Variants in CCNY observed in about 807,000 individuals in gnomAD.
CCNY encodes the protein cyclin Y.
Under a neutral mutation model 42.8 loss-of-function variants are expected in CCNY, and 19 were observed. The observed-to-expected ratio is 0.44, with a 90% CI of 0.31 to 0.65. The LOEUF is 0.65. CCNY is among the 30% of genes least tolerant of loss of function. The probability of loss-of-function intolerance (pLI) is 0.07; values close to 1 mark genes in which losing one functional copy is unlikely to be tolerated. For synonymous variants in CCNY, 165 were observed against 162.7 expected (o/e 1.01, Z -0.11); for missense variants, 370 against 437.3 (o/e 0.85, Z 1.37).
intron 3 of CCNY, among the ~76,000 whole-genome samples, chr10:35,300,094 C>T (rs1219630406): frequency 6.6e-6 from 1 of 152,216 alleles, no homozygotes; most frequent in Non-Finnish European, 1.5e-5. Flanking sequence ...GACTGCTCCT[C>T]TTACAGTTTC....
intron 1 of CCNY, among the ~76,000 whole-genome samples, chr10:35,479,523 G>A (rs1417794397): frequency 2.3e-5 from 3 of 132,806 alleles, no homozygotes; most frequent in African/African-American, 5.9e-5. Context: ...ACCAAACACC[G>A]CATATTCTCA....
intron 3 of CCNY, among the ~76,000 whole-genome samples, chr10:35,295,121 C>T (rs763812535): frequency 1.3e-5 from 2 of 152,004 alleles, no homozygotes; most frequent in Non-Finnish European, 2.9e-5. Flanking sequence ...CACCACTGCA[C>T]TCCAGCCTGG....
At chr10:35,292,520 C>T (rs558509528) in intron 3 of CCNY, among the ~76,000 whole-genome samples, 15 of 152,106 alleles carry the variant, frequency 9.9e-5, no homozygotes, top group African/African-American at 2.4e-5. Flanking sequence ...ACTACCGTGC[C>T]TGGCTAACTT....
intron 1 of CCNY, among the ~76,000 whole-genome samples, chr10:35,465,938 A>T (rs9337013): frequency 0.076 from 6,109 of 80,140 alleles, 211 homozygotes; most frequent in African/African-American, 0.094. Context: ...AGAGAGAGAG[A>T]GTGTGTGTGT....
At chr10:35,522,805 A>G (rs1840575260) in intron 4 of CCNY, among the ~76,000 whole-genome samples, 2 of 152,202 alleles carry the variant, frequency 1.3e-5, no homozygotes, top group African/African-American at 2.4e-5. Context: ...GTTTAGGAAT[A>G]TGAAAGATTG....
chr10:35,460,337 T>TG, intron 1 of CCNY, among the ~76,000 whole-genome samples: 1 of 152,350 alleles, frequency 6.6e-6, no homozygotes, highest in Non-Finnish European at 1.5e-5. Context: ...GGTCCCACCT[T>TG]GTTGAAACAG....
intron 3 of CCNY, among the ~76,000 whole-genome samples, chr10:35,261,347 G>C (rs34421369): frequency 0.37 from 55,038 of 150,266 alleles, 10,490 homozygotes; most frequent in African/African-American, 0.49. Context: ...AAGCGATTTT[G>C]CTGCCTCAGC....
chr10:35,523,794 G>C (rs1213800545), intron 4 of CCNY, among the ~76,000 whole-genome samples: 1 of 152,076 alleles, frequency 6.6e-6, no homozygotes, highest in East Asian at 1.9e-4. Flanking sequence ...TCCATGATGT[G>C]GGTTGTATTG....
At chr10:35,373,443 T>A (rs1161257211) in intron 1 of CCNY, among the ~76,000 whole-genome samples, 1 of 152,154 alleles carries the variant, frequency 6.6e-6, no homozygotes, top group Admixed American at 6.5e-5. Context: ...CCCACCCCAC[T>A]TATGTTGAGG....
At chr10:35,545,137 C>T (rs878903699) in intron 7 of CCNY, among the ~76,000 whole-genome samples, 5 of 152,190 alleles carry the variant, frequency 3.3e-5, no homozygotes, top group Non-Finnish European at 5.9e-5. Flanking sequence ...TATTTTTGAA[C>T]GTTCCCTGTT....
chr10:35,333,542 A>G (rs1835970445), upstream of CCNY, among the ~76,000 whole-genome samples: 1 of 152,202 alleles, frequency 6.6e-6, no homozygotes, highest in Non-Finnish European at 1.5e-5. Flanking sequence ...GATAGGAGGT[A>G]GGAGGTTGGG....
intron 1 of CCNY, among the ~76,000 whole-genome samples, chr10:35,438,540 T>C (rs977792404): frequency 2.0e-5 from 3 of 152,206 alleles, no homozygotes; most frequent in Admixed American, 2.0e-4. Flanking sequence ...AATGGACATT[T>C]ATTTGTAATC....
intron 1 of CCNY, among the ~76,000 whole-genome samples, chr10:35,449,447 A>G (rs894047137): frequency 1.3e-5 from 2 of 152,098 alleles, no homozygotes; most frequent in Non-Finnish European, 2.9e-5. Flanking sequence ...CAATGGCCCT[A>G]CTGGGCAGGG....
intron 3 of CCNY, among the ~76,000 whole-genome samples, chr10:35,273,142 C>T (rs187451919): frequency 3.2e-4 from 49 of 152,156 alleles, no homozygotes; most frequent in Admixed American, 3.2e-3. Context: ...TCCTAAATGC[C>T]TATTTCTCCT....
At chr10:35,286,820 T>G (rs1398352922) in intron 3 of CCNY, among the ~76,000 whole-genome samples, 1 of 151,834 alleles carries the variant, frequency 6.6e-6, no homozygotes, top group East Asian at 1.9e-4. Flanking sequence ...CCATCAAGCC[T>G]GGCTAATTTT....
intron 3 of CCNY, among the ~76,000 whole-genome samples, chr10:35,507,329 C>A (rs1447467133): frequency 6.6e-6 from 1 of 152,114 alleles, no homozygotes; most frequent in African/African-American, 2.4e-5. Flanking sequence ...TTCAAACTTA[C>A]AGAATGATTT....
chr10:35,534,868 CAT>C (rs1840848072), intron 7 of CCNY, among the ~76,000 whole-genome samples: 1 of 151,516 alleles, frequency 6.6e-6, no homozygotes, highest in Non-Finnish European at 1.5e-5. Flanking sequence ...TTTTACTTAG[CAT>C]ATGTTTTTGG....
chr10:35,447,008 T>G (rs1838804385), intron 1 of CCNY, among the ~76,000 whole-genome samples: 1 of 152,222 alleles, frequency 6.6e-6, no homozygotes, highest in African/African-American at 2.4e-5. Flanking sequence ...CTGGGCACAG[T>G]GGCTCATGCC....
intron 3 of CCNY, among the ~76,000 whole-genome samples, chr10:35,257,333 G>T (rs2095716452): frequency 7.2e-6 from 1 of 139,624 alleles, no homozygotes. Flanking sequence ...TTTTGAGACA[G>T]GATCTCGCTA....
Sources: allele counts gnomAD v4.1 joint callset (sites outside exome capture counted in the v4.1 genomes callset), GRCh38; gene constraint gnomAD v4.1.1; transcripts MANE v1.5; gene names NCBI Gene and HGNC (gene_info 2026-07-23, HGNC 2026-07-21).